CLVS1: variants seen among roughly 807,000 people sequenced by gnomAD.
The protein encoded by CLVS1 is clavesin 1.
CLVS1 carries 10 observed loss-of-function variants against 33.1 expected under a neutral mutation model. That is an observed-to-expected ratio of 0.30 (90% confidence interval 0.19 to 0.51). The LOEUF (loss-of-function observed/expected upper bound fraction) is 0.51, where lower values mean the gene tolerates loss of function less well. Among genes scored for constraint, CLVS1 ranks in the 20% least tolerant of loss-of-function variants. CLVS1 has a pLI of 0.97. For missense variants in CLVS1, 343 were observed against 433.4 expected (o/e 0.79, Z 1.85); for synonymous variants, 163 against 166.1 (o/e 0.98, Z 0.14).
chr8:61,140,599 G>A (rs1157168633), intron 2 of CLVS1, among the ~76,000 whole-genome samples: 1 of 152,032 alleles, frequency 6.6e-6, no homozygotes, highest in Non-Finnish European at 1.5e-5. Context: ...GTCTCGCTGT[G>A]TCGCCCAGGC....
intron 2 of CLVS1, among the ~76,000 whole-genome samples, chr8:61,366,924 G>A (rs1048533271): frequency 1.3e-5 from 2 of 152,106 alleles, no homozygotes; most frequent in African/African-American, 4.8e-5. Flanking sequence ...AATATTGTGT[G>A]ATACTGTGCT....
rs796095448 is a variant in CLVS1, at chr8:61,463,802, C to G, written c.977+5260C>G. Among the ~76,000 whole-genome samples the G allele has an allele frequency of 4.5e-4, 68 of 152,210 alleles. 1 individual carries two copies. Among genetic ancestry groups the G allele is most frequent in the African/African-American group, 1.5e-3 (61 of 41,558 alleles). On this transcript the variant is annotated intron_variant, in intron 5 of 5. Coordinates refer to ENST00000325897, the MANE Select transcript of CLVS1 (RefSeq NM_173519.3). ...AAAGTTTGGGCCGGGTGCAGTGGCT[C>G]AAGCCTGTAATCCTACCACTTTGGG...
At chr8:61,334,515 T>C (rs1811714235) in intron 2 of CLVS1, among the ~76,000 whole-genome samples, 1 of 152,356 alleles carries the variant, frequency 6.6e-6, no homozygotes, top group South Asian at 2.1e-4. Context: ...CCGCCTTTGC[T>C]GTTTTCAGGA....
the CLVS1 span, among the ~76,000 whole-genome samples, chr8:60,995,008 C>T: frequency 2.0e-5 from 3 of 151,614 alleles, no homozygotes; most frequent in African/African-American, 7.3e-5. Context: ...ATACAAAAAT[C>T]AATTCAAGAT....
chr8:61,004,575 A>G, the CLVS1 span, among the ~76,000 whole-genome samples: 149,075 of 152,340 alleles, frequency 0.98, 72,955 homozygotes, highest in East Asian at 1. Flanking sequence ...AGAGAGCTGG[A>G]AAGAGAGCCA....
At chr8:60,989,668 C>T in the CLVS1 span, among the ~76,000 whole-genome samples, 2 of 152,182 alleles carry the variant, frequency 1.3e-5, no homozygotes, top group South Asian at 2.1e-4. Context: ...CTCCACAAAG[C>T]GGCTAAGAAA....
At chr8:61,064,486 C>T (rs11989897) in intron 1 of CLVS1, among the ~76,000 whole-genome samples, 83,184 of 151,056 alleles carry the variant, frequency 0.55, 25,275 homozygotes, top group African/African-American at 0.81. Flanking sequence ...ATGTGCTTCT[C>T]AGCTATCTGA....
chr8:61,065,284 A>G (rs1563389752), intron 1 of CLVS1, among the ~76,000 whole-genome samples: 1 of 152,240 alleles, frequency 6.6e-6, no homozygotes, highest in Non-Finnish European at 1.5e-5. Context: ...TGTATTTTCT[A>G]GGGAAAAATG....
intron 3 of CLVS1, among the ~76,000 whole-genome samples, chr8:61,386,167 A>G (rs1814076248): frequency 6.6e-6 from 1 of 152,196 alleles, no homozygotes; most frequent in African/African-American, 2.4e-5. Context: ...AACTCCCAGA[A>G]TCACTGGAGA....
intron 2 of CLVS1, among the ~76,000 whole-genome samples, chr8:61,212,652 G>T (rs966571880): frequency 6.6e-6 from 1 of 152,174 alleles, no homozygotes; most frequent in Non-Finnish European, 1.5e-5. Flanking sequence ...TAGGAGCTAA[G>T]GTGGTGGTGT....
chr8:61,431,375 G>A (rs574336117), intron 3 of CLVS1, among the ~76,000 whole-genome samples: 4 of 152,328 alleles, frequency 2.6e-5, no homozygotes, highest in East Asian at 3.9e-4. Context: ...AGAGGAGGCC[G>A]TGTATGAAGT....
chr8:61,324,647 C>A (rs1429977650), intron 2 of CLVS1, among the ~76,000 whole-genome samples: 1 of 152,058 alleles, frequency 6.6e-6, no homozygotes, highest in African/African-American at 2.4e-5. Flanking sequence ...AAGTTTGGAA[C>A]CTCCTAGAGA....
chr8:61,446,626 T>G (rs1276511245), intron 3 of CLVS1, among the ~76,000 whole-genome samples: 1 of 152,146 alleles, frequency 6.6e-6, no homozygotes, highest in Non-Finnish European at 1.5e-5. Flanking sequence ...CATTAATCCA[T>G]TGGTCTACAA....
chr8:61,424,059 A>C (rs1224550229), intron 3 of CLVS1, among the ~76,000 whole-genome samples: 1 of 152,218 alleles, frequency 6.6e-6, no homozygotes, highest in African/African-American at 2.4e-5. Flanking sequence ...ACATGCACAC[A>C]CGCATACAGT....
At chr8:61,212,294 G>C (rs73253723) in intron 2 of CLVS1, among the ~76,000 whole-genome samples, 2,797 of 152,274 alleles carry the variant, frequency 0.018, 93 homozygotes, top group African/African-American at 0.064. Context: ...GAAGAGTGCG[G>C]ATCAAACGGC....
chr8:61,475,905 T>C (rs1454293268), intron 5 of CLVS1, among the ~76,000 whole-genome samples: 15 of 152,236 alleles, frequency 9.9e-5, no homozygotes, highest in Admixed American at 9.8e-4. Context: ...GCCTAGGTTT[T>C]CTTCTAGGGT....
At chr8:61,216,517 T>C (rs1468047269) in intron 2 of CLVS1, among the ~76,000 whole-genome samples, 1 of 152,188 alleles carries the variant, frequency 6.6e-6, no homozygotes, top group African/African-American at 2.4e-5. Flanking sequence ...CTCCAATGTG[T>C]CTGTGCGTTT....
At chr8:61,474,906 A>G (rs548361024) in intron 5 of CLVS1, among the ~76,000 whole-genome samples, 1 of 152,272 alleles carries the variant, frequency 6.6e-6, no homozygotes, top group Admixed American at 6.5e-5. Flanking sequence ...TTAACTCGTC[A>G]TTTAGCATTA....
At chr8:61,494,984 C>A (rs1804220199) in intron 5 of CLVS1, among the ~76,000 whole-genome samples, 1 of 152,154 alleles carries the variant, frequency 6.6e-6, no homozygotes, top group African/African-American at 2.4e-5. Context: ...GCCTCACTAT[C>A]TCAGAGTTGT....
Sources: gnomAD v4.1 joint callset for allele counts (sites outside exome capture counted in the v4.1 genomes callset) on GRCh38, gnomAD v4.1.1 for gene constraint, MANE v1.5 for transcripts, NCBI Gene and HGNC (gene_info 2026-07-23, HGNC 2026-07-21) for gene names.